Variants in BCAS3 observed in about 807,000 individuals in gnomAD.
BCAS3 encodes the protein BCAS4/BCAS3 fusion.
A neutral mutation model predicts 116.1 loss-of-function variants in BCAS3; 53 were observed. The ratio of observed to expected loss-of-function variants is 0.46; its 90% CI spans 0.37 to 0.57. The LOEUF is 0.57. Ranked by LOEUF, BCAS3 falls within the 20% of genes least tolerant of loss-of-function variation. The pLI, the probability that BCAS3 is intolerant of heterozygous loss-of-function variation, is 0.00. For synonymous variants in BCAS3, 391 were observed against 408.2 expected, an observed-to-expected ratio of 0.96 and a Z score of 0.51; for missense variants, 917 against 1,165.4, an observed-to-expected ratio of 0.79 and a Z score of 3.10.
chr17:61,003,270 T>A (rs184869233), intron 15 of BCAS3, among the ~76,000 whole-genome samples: 1 of 151,708 alleles, frequency 6.6e-6, no homozygotes, highest in East Asian at 1.9e-4. Context: ...TTTCTTTGAA[T>A]TTTTTTTATT....
intron 6 of BCAS3, among the ~76,000 whole-genome samples, chr17:60,773,810 G>C (rs1277747072): frequency 1.3e-5 from 2 of 152,060 alleles, no homozygotes; most frequent in Non-Finnish European, 2.9e-5. Context: ...ACCATGCCTG[G>C]CTAATTTTTG....
intron 4 of BCAS3, among the ~76,000 whole-genome samples, chr17:60,698,442 G>A (rs946437674): frequency 6.6e-6 from 1 of 151,814 alleles, no homozygotes; most frequent in African/African-American, 2.4e-5. Context: ...CCAGGAGTTC[G>A]AGACCAGTCT....
intron 15 of BCAS3, among the ~76,000 whole-genome samples, chr17:60,992,519 A>G (rs1306331673): frequency 2.6e-5 from 4 of 151,844 alleles, no homozygotes; most frequent in African/African-American, 7.3e-5. Flanking sequence ...GACACTGGGG[A>G]CTCCTGGAGG....
At chr17:60,850,345 G>GTTTTTTTTTTTTTTT (rs10573405) in intron 7 of BCAS3, among the ~76,000 whole-genome samples, 1 of 37,730 alleles carries the variant, frequency 2.7e-5, no homozygotes, top group Non-Finnish European at 4.9e-5. Flanking sequence ...TGGCACCACT[G>GTTTTTTTTTTTTTTT]TTTTTTTTTT....
intron 22 of BCAS3, among the ~76,000 whole-genome samples, chr17:61,269,879 C>G (rs181473939): frequency 6.6e-6 from 1 of 151,324 alleles, no homozygotes; most frequent in Non-Finnish European, 1.5e-5. Flanking sequence ...CCTTGGCTTA[C>G]TGCAACCTCC....
rs890374333 is a variant in BCAS3 at position 61,355,639 on chromosome 17, A to G, written c.2426-12688A>G. ...TCCTTGAACTGTACAAATTGGAACA[A>G]TAACATCCACCTCATAAGTTATTGG... On this transcript the variant is annotated intron_variant, in intron 22 of 23. Transcript: ENST00000407086. This position sits in a 1 kb window ranked among gnomAD's most constrained non-coding sequence, Gnocchi z 4.2. Among the ~76,000 whole-genome samples the G allele has an allele frequency of 6.6e-6, 1 of 152,222 alleles. No homozygotes were observed. The highest frequency in any genetic ancestry group is 1.5e-5 in the Non-Finnish European group (1 of 68,040).
At chr17:61,193,188 G>T (rs545165878) in intron 22 of BCAS3, among the ~76,000 whole-genome samples, 2 of 152,262 alleles carry the variant, frequency 1.3e-5, no homozygotes, top group South Asian at 4.1e-4. Context: ...CTTGAACCCA[G>T]AAGGTAGAGG....
At chr17:60,681,169 C>T (rs759174757) in intron 2 of BCAS3, among the ~76,000 whole-genome samples, 11 of 152,152 alleles carry the variant, frequency 7.2e-5, no homozygotes, top group Non-Finnish European at 1.5e-4. Context: ...TGTGCCATTA[C>T]ACTCCAGCCT....
In BCAS3 at chr17:61,261,446, T is replaced by TA. The variant is rs1203966249; in HGVS notation, c.2426-106880dup. On this transcript the variant is annotated intron_variant, in intron 22 of 23. Coordinates refer to ENST00000407086, the MANE Select transcript of BCAS3 (RefSeq NM_017679.5). This position sits in a 1 kb window ranked among gnomAD's most constrained non-coding sequence, Gnocchi z 4.4. ...TCAAAACAGCTTGTAAAGTTTTTTT[T>TA]ATCATTCCTTTCCAGATTGTGTGGG... Among the ~76,000 whole-genome samples, 2 of 152,338 alleles carry TA rather than the reference T, an allele frequency of 1.3e-5. No individual in the cohort carries two copies. Among genetic ancestry groups the TA allele is most frequent in the East Asian group, 3.9e-4 (2 of 5,190 alleles).
At chr17:60,973,945 C>T (rs866785121) in intron 14 of BCAS3, among the ~76,000 whole-genome samples, 3 of 152,076 alleles carry the variant, frequency 2.0e-5, no homozygotes, top group Middle Eastern at 3.2e-3. Flanking sequence ...GGAGGGAATG[C>T]TGTTGCTGGT....
intron 19 of BCAS3, among the ~76,000 whole-genome samples, chr17:61,050,614 G>A (rs969540336): frequency 2.6e-5 from 4 of 151,704 alleles, no homozygotes; most frequent in Non-Finnish European, 4.4e-5. Context: ...TCCAACAAAG[G>A]AAATAAAATG....
At chr17:60,707,679 T>C (rs1180136678) in intron 4 of BCAS3, among the ~76,000 whole-genome samples, 2 of 133,050 alleles carry the variant, frequency 1.5e-5, no homozygotes, top group Non-Finnish European at 3.3e-5. Context: ...ACATCCTTTA[T>C]TCTTGATTTG....
chr17:61,223,835 C>A (rs2082241868), intron 22 of BCAS3, among the ~76,000 whole-genome samples: 1 of 152,174 alleles, frequency 6.6e-6, no homozygotes, highest in African/African-American at 2.4e-5. Context: ...ACACTCAGCT[C>A]AAGTGTTTTC....
chr17:60,831,071 C>T (rs944612557), intron 7 of BCAS3, among the ~76,000 whole-genome samples: 2 of 151,942 alleles, frequency 1.3e-5, no homozygotes, highest in Non-Finnish European at 2.9e-5. Context: ...AGGCTGGTCT[C>T]GAACTCCTGA....
chr17:61,205,040 T>A lies in BCAS3; in HGVS notation c.2425+120476T>A, dbSNP rs1241564293. ...AGTGAGACCTTGTCTCAAAAAAAAT[T>A]AAAGAATGACAGGATAAAAATTTAG... On this transcript the variant is annotated intron_variant, in intron 22 of 23. Transcript: ENST00000407086. The surrounding 1 kb of genome is among the most constrained non-coding windows in gnomAD (Gnocchi z 5.2). 6.6e-6 allele frequency among the ~76,000 whole-genome samples: 1 copy of A among 151,940 alleles called. No homozygotes were observed. Among genetic ancestry groups the A allele is most frequent in the Non-Finnish European group, 1.5e-5 (1 of 68,000 alleles).
At position 61,347,317 on chromosome 17, in the gene BCAS3, G is replaced by A. The variant is rs2057560192; in HGVS notation, c.2426-21010G>A. ...GGCTGGTCTCGATATGCTGACCTCA[G>A]GTGATCCACCCACCTCAGCCTCCCA... On this transcript the variant is annotated intron_variant, in intron 22 of 23. Coordinates refer to ENST00000407086, the MANE Select transcript of BCAS3 (RefSeq NM_017679.5). This position sits in a 1 kb window ranked among gnomAD's most constrained non-coding sequence, Gnocchi z 4.3. Among the ~76,000 whole-genome samples the A allele has an allele frequency of 1.3e-5, 2 of 152,114 alleles. No individual in the cohort carries two copies. The highest frequency in any genetic ancestry group is 6.5e-5 in the Admixed American group (1 of 15,268).
intron 7 of BCAS3, among the ~76,000 whole-genome samples, chr17:60,868,115 C>T (rs1044740433): frequency 6.6e-6 from 1 of 151,726 alleles, no homozygotes; most frequent in Admixed American, 6.6e-5. Context: ...CCTCCGCCTC[C>T]TAGGTTCAAG....
chr17:61,011,224 ATAT>A (rs375126029), intron 15 of BCAS3, among the ~76,000 whole-genome samples: 89 of 152,076 alleles, frequency 5.9e-4, no homozygotes, highest in Admixed American at 1.6e-3. Context: ...GATCTCAGAA[ATAT>A]TATTTGTATC....
At chr17:61,123,340 A>G (rs1198080644) in intron 22 of BCAS3, among the ~76,000 whole-genome samples, 1 of 152,106 alleles carries the variant, frequency 6.6e-6, no homozygotes, top group Admixed American at 6.6e-5. Context: ...TTCCCTGCCA[A>G]TATCGCTGTT....
Sources: allele counts gnomAD v4.1 joint callset (sites outside exome capture counted in the v4.1 genomes callset), GRCh38; gene constraint gnomAD v4.1.1; non-coding constraint Gnocchi (gnomAD v3.1); transcripts MANE v1.5; gene names NCBI Gene and HGNC (gene_info 2026-07-23, HGNC 2026-07-21).